Variants in RBFOX1 observed in about 807,000 individuals in gnomAD.
The protein encoded by RBFOX1 is RNA binding protein fox-1 homolog 1.
A neutral mutation model predicts 57.7 loss-of-function variants in RBFOX1; 8 were observed. That is an observed-to-expected ratio of 0.14 (90% confidence interval 0.08 to 0.25). The LOEUF (loss-of-function observed/expected upper bound fraction) is 0.25. Among genes scored for constraint, RBFOX1 ranks in the 10% least tolerant of loss-of-function variants. The pLI, the probability that RBFOX1 is intolerant of heterozygous loss-of-function variation, is 1.00. For synonymous variants in RBFOX1, 326 were observed against 222.4 expected (o/e 1.47, Z -4.15); for missense variants, 611 against 548.5 (o/e 1.11, Z -1.14).
chr16:6,507,266 C>G (rs1036413152), intron 2 of RBFOX1, among the ~76,000 whole-genome samples: 1 of 152,050 alleles, frequency 6.6e-6, no homozygotes, highest in African/African-American at 2.4e-5. Flanking sequence ...CAACTATACA[C>G]CCATTTTCAT....
At chr16:5,653,133 T>C (rs2049297572) in intron 3 of RBFOX1, among the ~76,000 whole-genome samples, 1 of 151,948 alleles carries the variant, frequency 6.6e-6, no homozygotes, top group Non-Finnish European at 1.5e-5. Flanking sequence ...TGCTGAGCCG[T>C]GTGCTGGCCT....
intron 3 of RBFOX1, among the ~76,000 whole-genome samples, chr16:7,029,814 A>C (rs550706089): frequency 4.6e-5 from 7 of 152,294 alleles, no homozygotes; most frequent in Admixed American, 1.3e-4. Flanking sequence ...CATTATGAAA[A>C]GCATGGCTTG....
At chr16:7,146,453 C>G (rs986851060) in intron 4 of RBFOX1, among the ~76,000 whole-genome samples, 1 of 152,152 alleles carries the variant, frequency 6.6e-6, no homozygotes, top group Non-Finnish European at 1.5e-5. Context: ...CTGAGGCTGG[C>G]TTTCTAGTGA....
chr16:6,572,871 G>T (rs1321434569), intron 2 of RBFOX1, among the ~76,000 whole-genome samples: 1 of 152,126 alleles, frequency 6.6e-6, no homozygotes, highest in Non-Finnish European at 1.5e-5. Flanking sequence ...TGGGATTTCA[G>T]GAGTGATCCC....
rs370685598 is a variant in RBFOX1 at position 6,562,832 on chromosome 16, TTTTCTTTCTTTC to T, written c.-63-91731_-63-91720del. Among the ~76,000 whole-genome samples, 39 of 75,982 alleles carry T rather than the reference TTTTCTTTCTTTC, an allele frequency of 5.1e-4. 1 individual carries two copies. The highest frequency in any genetic ancestry group is 2.6e-3 in the South Asian group (5 of 1,950). 49.8% of individuals were successfully genotyped at this position (75,982 alleles called of 152,430 possible). A position where few individuals can be genotyped will look rare whatever the true frequency, so the allele number is the denominator to read the frequency against. ...AACTGCAGGCCTTGATTCTTGATTC[TTTTCTTTCTTTC>T]TTTCTTTCTTTCTTTCTTTCTTTCT... On this transcript the variant is annotated intron_variant, in intron 2 of 15. Coordinates refer to ENST00000550418, the MANE Select transcript of RBFOX1 (RefSeq NM_018723.4).
chr16:5,743,877 G>C lies in RBFOX1; in HGVS notation c.319-123426G>C, dbSNP rs114821282. Among the ~76,000 whole-genome samples, 814 of 152,264 alleles carry C rather than the reference G, an allele frequency of 5.3e-3. 8 individuals are homozygous for C. Among genetic ancestry groups the C allele is most frequent in the African/African-American group, 0.018 (764 of 41,550 alleles). ...ATTTTTAGGCACATAACACGGTATTGTTAATGATAGGCATGATGTCATACG... is the reference window on the plus strand; with the variant it reads ...ATTTTTAGGCACATAACACGGTATTCTTAATGATAGGCATGATGTCATACG... On this transcript the variant is annotated intron_variant, in intron 3 of 19. Coordinates refer to the RBFOX1 transcript ENST00000641259.
intron 1 of RBFOX1, among the ~76,000 whole-genome samples, chr16:5,251,880 A>T (rs752441022): frequency 7.2e-5 from 11 of 152,014 alleles, no homozygotes; most frequent in Non-Finnish European, 1.6e-4. Context: ...AATTAAATGG[A>T]ATTAACTTCA....
intron 4 of RBFOX1, among the ~76,000 whole-genome samples, chr16:7,158,321 G>A (rs997532528): frequency 2.0e-5 from 3 of 152,048 alleles, no homozygotes; most frequent in Non-Finnish European, 4.4e-5. Context: ...ACTCTACCCT[G>A]GTCAACAAGA....
chr16:5,798,629 A>G (rs1176800629), intron 3 of RBFOX1, among the ~76,000 whole-genome samples: 1 of 152,204 alleles, frequency 6.6e-6, no homozygotes, highest in Admixed American at 6.5e-5. Context: ...TCACTCACCT[A>G]TATGCCTGTC....
At chr16:6,662,199 A>T (rs75810055) in intron 3 of RBFOX1, among the ~76,000 whole-genome samples, 1 of 152,134 alleles carries the variant, frequency 6.6e-6, no homozygotes, top group Non-Finnish European at 1.5e-5. Context: ...TAAGTTATAG[A>T]TAACTAATGT....
chr16:5,901,042 C>T (rs1211259208), intron 4 of RBFOX1, among the ~76,000 whole-genome samples: 1 of 152,196 alleles, frequency 6.6e-6, no homozygotes, highest in Non-Finnish European at 1.5e-5. Context: ...TACCTGCCTC[C>T]TCTCCATTAT....
At chr16:7,315,667 T>TATATATATATAA (rs1568172968) in intron 4 of RBFOX1, among the ~76,000 whole-genome samples, 1 of 143,572 alleles carries the variant, frequency 7.0e-6, no homozygotes, top group African/African-American at 2.6e-5. Flanking sequence ...TATATATATA[T>TATATATATATAA]GGAACATTAC....
intron 1 of RBFOX1, among the ~76,000 whole-genome samples, chr16:5,293,578 C>G (rs1276941349): frequency 6.6e-6 from 1 of 152,174 alleles, no homozygotes; most frequent in Non-Finnish European, 1.5e-5. Context: ...ACCAATACTT[C>G]CATTGTATGG....
intron 4 of RBFOX1, among the ~76,000 whole-genome samples, chr16:7,071,935 G>C (rs76903471): frequency 0.01 from 1,535 of 152,002 alleles, 30 homozygotes; most frequent in African/African-American, 0.035. Flanking sequence ...ATCTTTTTCA[G>C]CTCTACCTTC....
At chr16:6,935,288 G>C (rs2077181544) in intron 3 of RBFOX1, among the ~76,000 whole-genome samples, 1 of 152,092 alleles carries the variant, frequency 6.6e-6, no homozygotes, top group Non-Finnish European at 1.5e-5. Context: ...GTTCAGAGTG[G>C]TAGTTTCAGA....
intron 4 of RBFOX1, among the ~76,000 whole-genome samples, chr16:5,923,400 G>C (rs527521940): frequency 6.6e-6 from 1 of 152,070 alleles, no homozygotes; most frequent in South Asian, 2.1e-4. Context: ...GAATAATGAG[G>C]GCCTTCAGGA....
chr16:6,414,654 G>A (rs1484134107), intron 2 of RBFOX1, among the ~76,000 whole-genome samples: 1 of 152,190 alleles, frequency 6.6e-6, no homozygotes, highest in Non-Finnish European at 1.5e-5. Context: ...AATAATGATA[G>A]CTGTGCCCAT....
intron 2 of RBFOX1, among the ~76,000 whole-genome samples, chr16:5,551,287 C>G (rs568482166): frequency 2.6e-5 from 4 of 152,182 alleles, no homozygotes; most frequent in South Asian, 2.1e-4. Flanking sequence ...ACTTACTTAT[C>G]GAACACTTCA....
intron 4 of RBFOX1, among the ~76,000 whole-genome samples, chr16:7,058,170 C>T (rs1310098087): frequency 6.6e-6 from 1 of 152,118 alleles, no homozygotes; most frequent in Non-Finnish European, 1.5e-5. Flanking sequence ...GTCTTACTCA[C>T]AGCTTTCAGG....
Sources: allele counts gnomAD v4.1 joint callset (sites outside exome capture counted in the v4.1 genomes callset), GRCh38; gene constraint gnomAD v4.1.1; transcripts MANE v1.5; gene names NCBI Gene and HGNC (gene_info 2026-07-23, HGNC 2026-07-21).